The following RELN variants were observed in gnomAD, a reference collection of about 807,000 sequenced individuals.
RELN encodes reelin.
In RELN, 108 loss-of-function variants were observed where a neutral mutation model predicts 427.6. That is an observed-to-expected ratio of 0.25 (90% CI 0.22 to 0.30). The LOEUF is 0.30. Among genes scored for constraint, RELN ranks in the 10% least tolerant of loss-of-function variants. The probability of loss-of-function intolerance (pLI) is 1.00; values close to 1 mark genes in which losing one functional copy is unlikely to be tolerated. For synonymous variants in RELN, 1,524 were observed against 1,513.4 expected (o/e 1.01, Z -0.16); for missense variants, 3,715 against 4,302.8 (o/e 0.86, Z 3.82).
intron 6 of RELN, among the ~76,000 whole-genome samples, chr7:103,743,936 C>T (rs1012391343): frequency 1.3e-5 from 2 of 152,170 alleles, no homozygotes; most frequent in African/African-American, 4.8e-5. Flanking sequence ...ACAGAACTCT[C>T]CACCCCAAAT....
intron 28 of RELN, among the ~76,000 whole-genome samples, chr7:103,588,074 G>A (rs1831319340): frequency 6.6e-6 from 1 of 152,134 alleles, no homozygotes; most frequent in Non-Finnish European, 1.5e-5. Flanking sequence ...ATATCAAAGG[G>A]ATACCTGCAC....
At chr7:103,694,522 G>GA (rs1216656986) in intron 10 of RELN, among the ~76,000 whole-genome samples, 3 of 151,824 alleles carry the variant, frequency 2.0e-5, no homozygotes, top group East Asian at 1.9e-4. Context: ...CGATGATGAT[G>GA]TGTGTGTGTG....
intron 11 of RELN, among the ~76,000 whole-genome samples, chr7:103,678,886 A>T (rs1365252772): frequency 1.3e-5 from 2 of 152,190 alleles, no homozygotes; most frequent in African/African-American, 4.8e-5. Flanking sequence ...GCTTACCATG[A>T]TAGATTGTTT....
At chr7:103,870,636 C>T (rs1584316267) in intron 2 of RELN, among the ~76,000 whole-genome samples, 1 of 151,956 alleles carries the variant, frequency 6.6e-6, no homozygotes, top group Non-Finnish European at 1.5e-5. Flanking sequence ...AGCTAGATGC[C>T]CAGAGGTGTT....
chr7:103,808,900 A>G (rs1792666732), intron 3 of RELN, among the ~76,000 whole-genome samples: 1 of 152,206 alleles, frequency 6.6e-6, no homozygotes, highest in Admixed American at 6.5e-5. Flanking sequence ...ATAAAGCAAT[A>G]AAATTTCCTG....
At chr7:103,965,168 C>T (rs1308013720) in intron 1 of RELN, among the ~76,000 whole-genome samples, 1 of 152,090 alleles carries the variant, frequency 6.6e-6, no homozygotes, top group Non-Finnish European at 1.5e-5. Flanking sequence ...GACCTTAAGG[C>T]CAAGATTTTT....
At chr7:103,646,281 A>C (rs78676377) in intron 16 of RELN, among the ~76,000 whole-genome samples, 3,683 of 152,022 alleles carry the variant, frequency 0.024, 61 homozygotes, top group Non-Finnish European at 0.031. Context: ...TCAGAGCAGA[A>C]CTAAATGAAA....
In RELN at chr7:103,988,362, T is replaced by C. The variant is rs1206884533; in HGVS notation, c.226+769A>G. On this transcript the variant is annotated intron_variant, in intron 1 of 64. Transcript: ENST00000428762. This position sits in a 1 kb window ranked among gnomAD's most constrained non-coding sequence, Gnocchi z 4.9. ...CAGGGCTGCATAATGATTCCATTTT[T>C]AAGATACCTCTAAATTATAAGGGAT... Among the ~76,000 whole-genome samples, 1 of 152,252 alleles carries C rather than the reference T, an allele frequency of 6.6e-6. No individual in the cohort carries two copies. Among genetic ancestry groups the C allele is most frequent in the East Asian group, 1.9e-4 (1 of 5,202 alleles).
At chr7:103,487,343 AT>A (rs1177792670) in intron 60 of RELN, among the ~76,000 whole-genome samples, 1 of 151,202 alleles carries the variant, frequency 6.6e-6, no homozygotes, top group East Asian at 2.0e-4. Flanking sequence ...ACCCTGGCAC[AT>A]GTATACCTAT....
chr7:103,756,332 C>T (rs1034186719), intron 4 of RELN, among the ~76,000 whole-genome samples: 1 of 152,136 alleles, frequency 6.6e-6, no homozygotes, highest in East Asian at 1.9e-4. Context: ...TTTAAAACCT[C>T]CTTGACCGAT....
At chr7:103,490,249 C>T (rs1380439996) in intron 59 of RELN, among the ~76,000 whole-genome samples, 1 of 152,178 alleles carries the variant, frequency 6.6e-6, no homozygotes, top group Non-Finnish European at 1.5e-5. Flanking sequence ...TGTATTTATC[C>T]TGCAGCTTTG....
chr7:103,921,346 C>G (rs970969524), intron 1 of RELN, among the ~76,000 whole-genome samples: 2 of 152,106 alleles, frequency 1.3e-5, no homozygotes, highest in African/African-American at 4.8e-5. Context: ...ACAATCCATT[C>G]TCCCATATAT....
intron 63 of RELN, among the ~76,000 whole-genome samples, chr7:103,482,620 C>A (rs753384709): frequency 3.3e-5 from 5 of 152,180 alleles, no homozygotes; most frequent in Non-Finnish European, 5.9e-5. Flanking sequence ...TCCAATTTAA[C>A]CAATATTGTC....
At chr7:103,507,606 C>A (rs534640483) in intron 51 of RELN, among the ~76,000 whole-genome samples, 1 of 152,252 alleles carries the variant, frequency 6.6e-6, no homozygotes, top group Non-Finnish European at 1.5e-5. Context: ...GACACCCTAA[C>A]ATCAAAATTA....
chr7:103,734,245 T>C (rs1313851776), intron 6 of RELN, among the ~76,000 whole-genome samples: 5 of 152,182 alleles, frequency 3.3e-5, no homozygotes, highest in Admixed American at 1.3e-4. Flanking sequence ...AAGTTTTCAA[T>C]AATCCCAGTT....
At chr7:103,513,448 T>C (rs1369255502) in intron 50 of RELN, 2 of 152,220 alleles carry the variant, frequency 1.3e-5, no homozygotes, top group East Asian at 3.8e-4. Context: ...AACTCACTTA[T>C]GTAAACCATT....
intron 63 of RELN, among the ~76,000 whole-genome samples, chr7:103,481,200 T>A (rs549886629): frequency 6.6e-5 from 10 of 152,214 alleles, no homozygotes. Context: ...GTGAGGAAAT[T>A]ACTGGTGATG....
chr7:103,856,088 A>C (rs972775020), intron 2 of RELN, among the ~76,000 whole-genome samples: 1 of 152,168 alleles, frequency 6.6e-6, no homozygotes, highest in Non-Finnish European at 1.5e-5. Context: ...GTGTTCTGTG[A>C]ATCAGAGTTG....
At chr7:103,699,740 A>T (rs1446996653) in intron 9 of RELN, among the ~76,000 whole-genome samples, 2 of 152,146 alleles carry the variant, frequency 1.3e-5, no homozygotes, top group Non-Finnish European at 2.9e-5. Context: ...GAAATATTTA[A>T]TATGAATGCA....
Sources: gnomAD v4.1 joint callset for allele counts (sites outside exome capture counted in the v4.1 genomes callset) on GRCh38, gnomAD v4.1.1 for gene constraint, Gnocchi (gnomAD v3.1) non-coding constraint, MANE v1.5 for transcripts, NCBI Gene and HGNC (gene_info 2026-07-23, HGNC 2026-07-21) for gene names.